CROCC2: variants seen among roughly 807,000 people sequenced by gnomAD.
CROCC2 encodes ciliary rootlet coiled-coil protein 2.
Under a neutral mutation model 177.6 loss-of-function variants are expected in CROCC2, and 163 were observed. The ratio of observed to expected loss-of-function variants is 0.92; its 90% CI spans 0.81 to 1.05. The LOEUF (loss-of-function observed/expected upper bound fraction) is 1.05, where lower values mean the gene tolerates loss of function less well. CROCC2 is among the 50% of genes least tolerant of loss of function. The pLI is 0.00. For synonymous variants in CROCC2, 904 were observed against 787.3 expected, an observed-to-expected ratio of 1.15 and a Z score of -2.48; for missense variants, 1,929 against 1,797.8, an observed-to-expected ratio of 1.07 and a Z score of -1.32.
chr2:240,987,723 C>G (rs1286065965), intron 28 of CROCC2, among the ~76,000 whole-genome samples: 1 of 152,372 alleles, frequency 6.6e-6, no homozygotes, highest in East Asian at 1.9e-4. Context: ...TTGGGGCCAA[C>G]AGAGGACTGA....
At position 240,959,192 on chromosome 2, in the gene CROCC2, C is replaced by T. The variant is rs952282794; in HGVS notation, c.2944-109C>T. The T allele has an allele frequency of 6.2e-6, 8 of 1,293,554 alleles. No individual in the cohort carries two copies. In the East Asian group the frequency reaches 8.2e-5, roughly 13 times the overall value. 80.1% of individuals were successfully genotyped at this position (1,293,554 alleles called of 1,614,324 possible). On this transcript the variant is annotated intron_variant, in intron 19 of 31. Coordinates refer to ENST00000690015, the MANE Select transcript of CROCC2 (RefSeq NM_001351305.2). ...TGCACGATCAGCAGGACCCGGCTCCCCCTCCCAGGCCACTGCAACACCTCT... is the reference window on the plus strand; with the variant it reads ...TGCACGATCAGCAGGACCCGGCTCCTCCTCCCAGGCCACTGCAACACCTCT...
intron 18 of CROCC2, chr2:240,955,640 C>T (rs1219986977): frequency 1.9e-6 from 1 of 526,948 alleles, no homozygotes; most frequent in African/African-American, 1.9e-5. Context: ...GGACAGAGGG[C>T]AGGCGCTCAG....
At chr2:240,978,077 C>T (rs2059776840) in intron 27 of CROCC2, among the ~76,000 whole-genome samples, 1 of 78,012 alleles carries the variant, frequency 1.3e-5, no homozygotes. Context: ...CAGGCTCATC[C>T]CTGCTCAGGC....
At chr2:240,976,095 A>G (rs927352570) in intron 27 of CROCC2, among the ~76,000 whole-genome samples, 8 of 152,246 alleles carry the variant, frequency 5.3e-5, no homozygotes, top group African/African-American at 1.9e-4. Context: ...CCAGATGGGG[A>G]GACTGACACT....
chr2:240,956,085 C>T (rs2059588376), intron 19 of CROCC2, 113 bp downstream of exon 19: 5 of 766,504 alleles, frequency 6.5e-6, no homozygotes, highest in East Asian at 5.4e-5. Flanking sequence ...CCCCTCCCTT[C>T]CTGAGCCTCA....
chr2:240,931,183 C>T (rs1229939775), intron 7 of CROCC2, 55 bp downstream of exon 7: 7 of 661,016 alleles, frequency 1.1e-5, no homozygotes, highest in Non-Finnish European at 2.0e-5. Context: ...GGTCGGGGCC[C>T]ATCCAGCGTG....
At chr2:240,988,561 G>A (rs937376182) in intron 28 of CROCC2, among the ~76,000 whole-genome samples, 178 bp from the exon 29 acceptor site, 2 of 152,174 alleles carry the variant, frequency 1.3e-5, no homozygotes, top group African/African-American at 4.8e-5. Context: ...TGCAGATATT[G>A]GATAGACCTG....
chr2:240,963,510 A>C (rs1351532253), intron 20 of CROCC2, 46 bp from the exon 21 acceptor site: 2 of 1,465,374 alleles, frequency 1.4e-6, no homozygotes, highest in Non-Finnish European at 1.8e-6. Context: ...CTATCCCTGG[A>C]GCAGTGGTCC....
intron 20 of CROCC2, chr2:240,963,216 C>T (rs1330715008): frequency 3.3e-6 from 1 of 305,290 alleles, no homozygotes. Context: ...CAGGCAGTGA[C>T]AGTGCAGACA....
intron 10 of CROCC2, 136 bp from the exon 11 acceptor site, chr2:240,933,534 C>T (rs2059447937): frequency 4.3e-6 from 5 of 1,164,880 alleles, no homozygotes; most frequent in Non-Finnish European, 6.0e-6. Context: ...CAGTGAGACC[C>T]TGTCTGCTTC....
rs60798724 is a variant in CROCC2 at position 240,927,646 on chromosome 2, T to C, written c.645+1766T>C. On this transcript the variant is annotated intron_variant, in intron 5 of 31. Coordinates refer to ENST00000690015, the MANE Select transcript of CROCC2 (RefSeq NM_001351305.2). ...AAATATTAAATAGCTTACTCTTAAC[T>C]CACATTTTCTTTTTTTCTTTTTGAG... Among the ~76,000 whole-genome samples, 2,067 of 152,282 alleles carry C rather than the reference T, an allele frequency of 0.014. 86 individuals are homozygous for C. The East Asian group carries it at 0.15, about 11-fold the overall frequency.
At position 240,960,856 on chromosome 2, in the gene CROCC2, G is replaced by C. The variant is rs968783720; in HGVS notation, c.3087+1412G>C. ...AGGTCTCCTTTCAACAGATTTCAAA[G>C]TCAGGCCCGGTCAGCGACCACACGG... On this transcript the variant is annotated intron_variant, in intron 20 of 31. Coordinates refer to ENST00000690015, the MANE Select transcript of CROCC2 (RefSeq NM_001351305.2). This position sits in a 1 kb window ranked among gnomAD's most constrained non-coding sequence, Gnocchi z 5.0. Among the ~76,000 whole-genome samples, 15 of 150,452 alleles carry C rather than the reference G, an allele frequency of 1.0e-4. No homozygotes were observed. The highest frequency in any genetic ancestry group is 2.0e-4 in the Admixed American group (3 of 15,064).
At chr2:240,936,023 C>CA (rs1357432514) in intron 14 of CROCC2, among the ~76,000 whole-genome samples, 1 of 151,224 alleles carries the variant, frequency 6.6e-6, no homozygotes, top group Non-Finnish European at 1.5e-5. Flanking sequence ...GAGAAAAAAA[C>CA]AGTCTTGGTT....
chr2:240,959,242 C>T (rs772771947), intron 19 of CROCC2, 59 bp from the exon 20 acceptor site: 10 of 1,531,020 alleles, frequency 6.5e-6, no homozygotes, highest in Non-Finnish European at 8.8e-6. Flanking sequence ...GGCCTTACCT[C>T]ACCCTCCACT....
In CROCC2 at chr2:240,932,411, C is replaced by A. The variant is rs1054314182; in HGVS notation, c.1041C>A (p.Asn347Lys). ...CTGCCCTCAGAACCGACCTGCAGAA[C>A]CTGGTTGGTGGGCAGGACGGGGGTG... ...TIAALRTDLQ[N>K]LVAQEDARCL... Residue 347 changes from asparagine to lysine, a missense_variant, in exon 8 of 32, where the codon AAC becomes AAA. This residue lies in a region of CROCC2 where 1,397 missense variants were observed against 1,239.9 expected (regional missense o/e 1.13). Coordinates refer to ENST00000690015, the MANE Select transcript of CROCC2 (RefSeq NM_001351305.2). 3.5e-5 allele frequency: 25 copies of A among 717,366 alleles called. No homozygotes were observed. Among genetic ancestry groups the A allele is most frequent in the African/African-American group, 8.7e-5 (5 of 57,260 alleles). The allele number at this position is 717,366 out of a possible 1,614,324, so 44.4% of individuals were successfully genotyped here. A position where few individuals can be genotyped will look rare whatever the true frequency, so the allele number is the denominator to read the frequency against.
intron 1 of CROCC2, among the ~76,000 whole-genome samples, chr2:240,915,171 C>T (rs911275259): frequency 3.3e-5 from 5 of 152,186 alleles, no homozygotes; most frequent in South Asian, 2.1e-4. Flanking sequence ...GGTGACCTCC[C>T]GGCCCCCCAT....
chr2:240,961,466 A>T (rs1409434834), intron 20 of CROCC2, among the ~76,000 whole-genome samples: 1 of 152,088 alleles, frequency 6.6e-6, no homozygotes, highest in African/African-American at 2.4e-5. Flanking sequence ...GTGCATGCAC[A>T]GGCATACAGA....
intron 13 of CROCC2, 120 bp from the exon 14 acceptor site, chr2:240,935,238 G>A (rs1285815382): frequency 9.2e-6 from 11 of 1,191,478 alleles, no homozygotes; most frequent in Non-Finnish European, 1.2e-5. Flanking sequence ...GGAAGAGAGT[G>A]CCCCTGGGCC....
chr2:240,937,146 T>C (rs761849950), intron 14 of CROCC2, among the ~76,000 whole-genome samples: 10 of 152,234 alleles, frequency 6.6e-5, no homozygotes, highest in Non-Finnish European at 1.0e-4. Flanking sequence ...AGAGTTCCAG[T>C]TGCTCCTCTG....
Sources: allele counts gnomAD v4.1 joint callset (sites outside exome capture counted in the v4.1 genomes callset), GRCh38; gene constraint gnomAD v4.1.1; regional missense constraint gnomAD v4.1.1; non-coding constraint Gnocchi (gnomAD v3.1); transcripts MANE v1.5; gene names NCBI Gene and HGNC (gene_info 2026-07-23, HGNC 2026-07-21).